The following TUFT1 variants were observed in gnomAD, a reference collection of about 807,000 sequenced individuals.
TUFT1 encodes the protein tuftelin 1.
A neutral mutation model predicts 57.8 loss-of-function variants in TUFT1; 43 were observed. The ratio of observed to expected loss-of-function variants is 0.74; its 90% confidence interval spans 0.58 to 0.96. The LOEUF (loss-of-function observed/expected upper bound fraction) is 0.96. Among genes scored for constraint, TUFT1 ranks in the 40% least tolerant of loss-of-function variants. The probability of loss-of-function intolerance (pLI) is 0.00; values close to 1 mark genes in which losing one functional copy is unlikely to be tolerated. For synonymous variants in TUFT1, 166 were observed against 176.7 expected, an observed-to-expected ratio of 0.94 and a Z score of 0.48; for missense variants, 459 against 489.0, an observed-to-expected ratio of 0.94 and a Z score of 0.58.
At position 151,540,328 on chromosome 1, in the gene TUFT1, G is replaced by T; in HGVS notation, c.-39G>T. On this transcript the variant is annotated 5_prime_UTR_variant, in exon 1 of 13. Coordinates refer to ENST00000368849, the MANE Select transcript of TUFT1 (RefSeq NM_020127.3). Reference sequence around the variant, plus strand: ...CCGCCCAGTTGGAGCCAGACAGCGGGGTGGACAAGTGGCGTGTGTGCTGCG... The same window carrying T: ...CCGCCCAGTTGGAGCCAGACAGCGGTGTGGACAAGTGGCGTGTGTGCTGCG... 1 of 1,613,658 alleles carries T rather than the reference G, an allele frequency of 6.2e-7. No individual in the cohort carries two copies. The highest frequency in any genetic ancestry group is 8.5e-7 in the Non-Finnish European group (1 of 1,179,746).
chr1:151,575,135 TG>T (rs1666421827), intron 9 of TUFT1, 130 bp downstream of exon 9: 1 of 793,970 alleles, frequency 1.3e-6, no homozygotes, highest in Admixed American at 2.3e-5. Flanking sequence ...CTTCCAGCTC[TG>T]ACTCACCGTG....
intron 1 of TUFT1, among the ~76,000 whole-genome samples, chr1:151,541,858 C>A (rs967014384): frequency 2.0e-5 from 3 of 152,166 alleles, no homozygotes; most frequent in Admixed American, 6.5e-5. Context: ...TGTTTTTAAG[C>A]GACGAGTGTC....
chr1:151,558,041 C>T (rs1665770179), intron 1 of TUFT1: 3 of 368,570 alleles, frequency 8.1e-6, no homozygotes, highest in African/African-American at 2.2e-5. Context: ...TTGTATTTAC[C>T]CATCTTTTTT....
intron 7 of TUFT1, among the ~76,000 whole-genome samples, chr1:151,572,036 T>C (rs1350046694): frequency 6.6e-6 from 1 of 151,934 alleles, no homozygotes; most frequent in Non-Finnish European, 1.5e-5. Context: ...ATCTCATCTC[T>C]ACAAAAATAA....
chr1:151,572,986 A>G (rs1303789586), intron 7 of TUFT1, among the ~76,000 whole-genome samples: 1 of 152,188 alleles, frequency 6.6e-6, no homozygotes, highest in Non-Finnish European at 1.5e-5. Context: ...ACTGAAATGG[A>G]TGGTGAAGTA....
chr1:151,566,176 AGCCAAATGG>A lies in TUFT1; in HGVS notation c.429_437del (p.Lys143_Gly146delinsAsn), dbSNP rs1435547285. On this transcript the variant is annotated inframe_deletion, in exon 6 of 13. Coordinates refer to ENST00000368849, the MANE Select transcript of TUFT1 (RefSeq NM_020127.3). ...TTCTTTGAACAGGTGGTGCTAGAAA[AGCCAAATGG>A]CTTTAGTCAGAGTCCCACAGCCCTG... 6.2e-7 allele frequency: 1 copy of A among 1,610,682 alleles called. No individual in the cohort carries two copies. The highest frequency in any genetic ancestry group is 2.2e-5 in the East Asian group (1 of 44,890).
chr1:151,552,056 G>A (rs900949810), intron 1 of TUFT1, among the ~76,000 whole-genome samples: 1 of 152,104 alleles, frequency 6.6e-6, no homozygotes, highest in African/African-American at 2.4e-5. Flanking sequence ...CTTCTAAAGT[G>A]CAAATTATAT....
intron 7 of TUFT1, among the ~76,000 whole-genome samples, chr1:151,572,879 G>A (rs1332322022): frequency 1.3e-5 from 2 of 152,194 alleles, no homozygotes; most frequent in East Asian, 3.9e-4. Flanking sequence ...GGCTGCTGAT[G>A]TTCTGTTTTC....
chr1:151,557,021 G>A (rs1044058179), intron 1 of TUFT1, among the ~76,000 whole-genome samples: 1 of 152,028 alleles, frequency 6.6e-6, no homozygotes, highest in Non-Finnish European at 1.5e-5. Context: ...TATGATGCCC[G>A]GTTCTGTTTT....
At chr1:151,569,812 G>A in intron 7 of TUFT1, 42 bp downstream of exon 7, 1 of 1,493,230 alleles carries the variant, frequency 6.7e-7, no homozygotes, top group Non-Finnish European at 9.3e-7. Context: ...TAAGGGATGG[G>A]CTACTGAACA....
Position 151,569,739 on chromosome 1 carries a change from G to C in TUFT1, c.563G>C (p.Arg188Pro). The C allele has an allele frequency of 6.2e-7, 1 of 1,613,982 alleles. No homozygotes were observed. The highest frequency in any genetic ancestry group is 8.5e-7 in the Non-Finnish European group (1 of 1,179,926). Residue 188 changes from arginine to proline, a missense_variant, in exon 7 of 13, where the codon CGG becomes CCG. Transcript: ENST00000368849. ...CTGGCCAAGCTTCAGGAGGCCAAGC[G>C]GCAACACCAGTCAGACTGTGTGGCT... The part of the protein sequence containing the change: ...DLLAKLQEAK[R>P]QHQSDCVAFE...
At chr1:151,554,703 T>C in intron 1 of TUFT1, among the ~76,000 whole-genome samples, 1 of 129,418 alleles carries the variant, frequency 7.7e-6, no homozygotes, top group African/African-American at 2.9e-5. Context: ...CCCTTTTTTT[T>C]TTTTTTTTTT....
chr1:151,542,141 G>A (rs902530038), intron 1 of TUFT1, among the ~76,000 whole-genome samples: 1 of 152,186 alleles, frequency 6.6e-6, no homozygotes, highest in Non-Finnish European at 1.5e-5. Context: ...AGAAGTCTAA[G>A]ACCAAGTTGG....
At chr1:151,545,308 C>T (rs1159783029) in intron 1 of TUFT1, among the ~76,000 whole-genome samples, 1 of 150,672 alleles carries the variant, frequency 6.6e-6, no homozygotes, top group Non-Finnish European at 1.5e-5. Flanking sequence ...GAAACTCCGT[C>T]TCAAACAAAC....
chr1:151,544,594 G>T (rs1665275495), intron 1 of TUFT1, among the ~76,000 whole-genome samples: 1 of 151,900 alleles, frequency 6.6e-6, no homozygotes, highest in Admixed American at 6.6e-5. Context: ...ACCGTGCCTG[G>T]CCTCTTAAAT....
intron 6 of TUFT1, among the ~76,000 whole-genome samples, chr1:151,567,766 G>A (rs867673959): frequency 6.6e-6 from 1 of 151,762 alleles, no homozygotes; most frequent in Non-Finnish European, 1.5e-5. Flanking sequence ...AGCTGGTCTC[G>A]AACTCCTGAC....
In TUFT1 at chr1:151,569,680, T is replaced by C; in HGVS notation, c.504T>C (p.Asp168=). ...AGGTGGACACCTGTATAAATGAGGATGTTGAGAGCTTGAGGAAGACGGTGC... is the reference window on the plus strand; with the variant it reads ...AGGTGGACACCTGTATAAATGAGGACGTTGAGAGCTTGAGGAAGACGGTGC... ...PPEVDTCINE[D]VESLRKTVQD... is the part of the protein sequence containing the mutation. The change falls in exon 7 of 13, where the codon GAT becomes GAC. Residue 168 remains aspartate, a synonymous_variant. Coordinates refer to ENST00000368849, the MANE Select transcript of TUFT1 (RefSeq NM_020127.3). 4 of 1,613,822 alleles carry C rather than the reference T, an allele frequency of 2.5e-6. No individual in the cohort carries two copies. Among genetic ancestry groups the C allele is most frequent in the Non-Finnish European group, 2.5e-6 (3 of 1,179,834 alleles).
chr1:151,577,450 A>T lies in TUFT1; in HGVS notation c.819-1271A>T, dbSNP rs76139128. Among the ~76,000 whole-genome samples, 778 of 152,272 alleles carry T rather than the reference A, an allele frequency of 5.1e-3. 11 individuals are homozygous for T. The highest frequency in any genetic ancestry group is 0.018 in the African/African-American group (734 of 41,546). ...AAAAAGACACTCATCAGTCTTGGAG[A>T]TGCAAAGGCTCAGGAACCAGGGAAT... On this transcript the variant is annotated intron_variant, in intron 9 of 12. Transcript: ENST00000368849.
chr1:151,580,458 C>G (rs1039990040), intron 11 of TUFT1, among the ~76,000 whole-genome samples: 1 of 151,840 alleles, frequency 6.6e-6, no homozygotes, highest in African/African-American at 2.4e-5. Context: ...GCCAGGAGTT[C>G]AAGACCTAGG....
Sources: allele counts gnomAD v4.1 joint callset (sites outside exome capture counted in the v4.1 genomes callset), GRCh38; gene constraint gnomAD v4.1.1; transcripts MANE v1.5; gene names NCBI Gene and HGNC (gene_info 2026-07-23, HGNC 2026-07-21).